SP2: variants seen among roughly 807,000 people sequenced by gnomAD.
The protein encoded by SP2 is transcription factor Sp2.
SP2 carries 9 observed loss-of-function variants against 50.1 expected under a neutral mutation model. The observed-to-expected ratio is 0.18, with a 90% CI of 0.11 to 0.31. The LOEUF is 0.31. Ranked by LOEUF, SP2 falls within the 10% of genes least tolerant of loss-of-function variation. SP2 has a pLI of 1.00. For synonymous variants in SP2, 313 were observed against 326.6 expected (o/e 0.96, Z 0.45); for missense variants, 581 against 806.5 (o/e 0.72, Z 3.39).
chr17:47,923,092 C>T lies in SP2; in HGVS notation c.1190C>T (p.Thr397Ile). ...PASRAPHLSG[T>I]SKKHSAAILR... is the part of the protein sequence containing the mutation. ...TCCCGTGCTCCCCATCTGAGTGGGA[C>T]CAGCAAAAAGCACTCAGCTGCAATT... Residue 397 changes from threonine (T) to isoleucine (I), a missense_variant, in exon 4 of 7, where the codon ACC becomes ATC. Coordinates refer to ENST00000376741, the MANE Select transcript of SP2 (RefSeq NM_003110.6). 1 of 1,614,206 alleles carries T rather than the reference C, an allele frequency of 6.2e-7. No homozygotes were observed. The highest frequency in any genetic ancestry group is 1.1e-5 in the South Asian group (1 of 91,088).
intron 3 of SP2, chr17:47,918,518 A>G (rs1056124075): frequency 6.6e-6 from 1 of 152,270 alleles, no homozygotes; most frequent in South Asian, 2.1e-4. Flanking sequence ...CCTCCCTTCC[A>G]TGAGGTCCCA....
intron 4 of SP2, 92 bp downstream of exon 4, chr17:47,923,366 A>G (rs2035532176): frequency 9.7e-7 from 1 of 1,032,928 alleles, no homozygotes; most frequent in South Asian, 1.5e-5. Context: ...TCCAGTAACA[A>G]TAGTGAGGAT....
intron 1 of SP2, among the ~76,000 whole-genome samples, chr17:47,911,225 C>CTAAA: frequency 6.6e-6 from 1 of 151,812 alleles, no homozygotes; most frequent in Admixed American, 6.6e-5. Flanking sequence ...GACCTTGTTT[C>CTAAA]TAAATAAATA....
At chr17:47,898,330 A>G (rs537090961) in intron 1 of SP2, 51 of 152,326 alleles carry the variant, frequency 3.3e-4, no homozygotes, top group African/African-American at 1.1e-3. Context: ...GTTCATTTGG[A>G]TATTTTGGCC....
At chr17:47,921,495 G>A (rs962431660) in intron 3 of SP2, among the ~76,000 whole-genome samples, 2 of 152,002 alleles carry the variant, frequency 1.3e-5, no homozygotes, top group Non-Finnish European at 2.9e-5. Context: ...CAAGTGATCC[G>A]CCTGCCTTGG....
chr17:47,914,544 A>G (rs1260917562), intron 1 of SP2, among the ~76,000 whole-genome samples: 1 of 152,182 alleles, frequency 6.6e-6, no homozygotes, highest in African/African-American at 2.4e-5. Flanking sequence ...GCATCTGTCT[A>G]CAGCAGGAGT....
At chr17:47,918,388 TGC>T (rs2035298808) in intron 3 of SP2, 1 of 152,184 alleles carries the variant, frequency 6.6e-6, no homozygotes, top group Non-Finnish European at 1.5e-5. Flanking sequence ...TATTTTATGT[TGC>T]CAGGTGATTT....
chr17:47,924,860 G>A, intron 4 of SP2, 59 bp from the exon 5 acceptor site: 1 of 1,462,898 alleles, frequency 6.8e-7, no homozygotes, highest in Admixed American at 2.1e-5. Context: ...AGGGCAGAAG[G>A]GTTGACTCGA....
In SP2 at chr17:47,896,352, C is replaced by A. The variant is rs893126980; in HGVS notation, c.7+59C>A. On this transcript the variant is annotated intron_variant, in intron 1 of 6. Transcript: ENST00000376741. ...GGCCCCCAAGGGTCAGGAAGACGGG[C>A]AGAGGCCGCGGGGAGAGGGAGCCGA... The A allele has an allele frequency of 7.4e-6, 9 of 1,223,944 alleles. No individual in the cohort carries two copies. In the African/African-American group the frequency reaches 1.2e-4, roughly 17 times the overall value. The allele number at this position is 1,223,944 out of a possible 1,614,324, so 75.8% of individuals were successfully genotyped here. A position where few individuals can be genotyped will look rare whatever the true frequency, so the allele number is the denominator to read the frequency against.
chr17:47,899,678 G>T (rs1043795274), intron 1 of SP2: 5 of 152,248 alleles, frequency 3.3e-5, no homozygotes, highest in African/African-American at 1.2e-4. Flanking sequence ...GGCAGCACCG[G>T]CAGCTTAGGG....
intron 1 of SP2, chr17:47,900,044 T>G (rs1434021459): frequency 7.2e-5 from 11 of 152,264 alleles, no homozygotes; most frequent in Admixed American, 7.2e-4. Context: ...CACATTGCAG[T>G]GCAGAGGCTT....
At chr17:47,923,461 A>G (rs907295795) in intron 4 of SP2, among the ~76,000 whole-genome samples, 187 bp downstream of exon 4, 2 of 152,252 alleles carry the variant, frequency 1.3e-5, no homozygotes, top group African/African-American at 4.8e-5. Context: ...TTTAAGGCAC[A>G]TGTCCCCATC....
intron 1 of SP2, among the ~76,000 whole-genome samples, chr17:47,903,141 G>A (rs932828019): frequency 6.6e-6 from 1 of 152,252 alleles, no homozygotes; most frequent in Non-Finnish European, 1.5e-5. Flanking sequence ...AGATAGAAAT[G>A]TGAGAGTTAA....
At chr17:47,897,049 T>G (rs758031900) in intron 1 of SP2, among the ~76,000 whole-genome samples, 8 of 152,254 alleles carry the variant, frequency 5.3e-5, no homozygotes. Flanking sequence ...AGCCTGTTAC[T>G]TGACGCCCCG....
At position 47,927,300 on chromosome 17, in the gene SP2, A is replaced by AAGGTGGGCGGATCACTTGAGGTC. The variant is rs1156606202; in HGVS notation, c.1742-420_1742-398dup. Among the ~76,000 whole-genome samples the AAGGTGGGCGGATCACTTGAGGTC allele has an allele frequency of 1.8e-4, 27 of 152,168 alleles. No individual in the cohort carries two copies. The East Asian group carries it at 4.9e-3, about 27-fold the overall frequency. ...TGTAATCCCAGCACTTTGGAAGGCC[A>AAGGTGGGCGGATCACTTGAGGTC]AGGTGGGCGGATCACTTGAGGTCAG... On this transcript the variant is annotated intron_variant, in intron 6 of 6. Coordinates refer to ENST00000376741, the MANE Select transcript of SP2 (RefSeq NM_003110.6).
intron 3 of SP2, among the ~76,000 whole-genome samples, chr17:47,920,858 G>A (rs534408863): frequency 6.6e-6 from 1 of 152,188 alleles, no homozygotes; most frequent in South Asian, 2.1e-4. Flanking sequence ...TATTCACAGA[G>A]TTGTGCAGCC....
At chr17:47,905,328 G>C (rs1383372636) in intron 1 of SP2, among the ~76,000 whole-genome samples, 1 of 152,178 alleles carries the variant, frequency 6.6e-6, no homozygotes, top group Non-Finnish European at 1.5e-5. Context: ...TTACGGCCCA[G>C]CTGAGCTGAC....
At position 47,916,929 on chromosome 17, in the gene SP2, T is replaced by G; in HGVS notation, c.858T>G (p.Ile286Met). ...NIIQAGNNLL[I>M]VQSPGGGQPA... Reference sequence around the variant, plus strand: ...TCCAGGCAGGAAATAACCTGCTCATTGTTCAGAGCCCTGGTGGGGGCCAGC... The same window carrying G: ...TCCAGGCAGGAAATAACCTGCTCATGGTTCAGAGCCCTGGTGGGGGCCAGC... The change falls in exon 3 of 7, where the codon ATT becomes ATG. Residue 286 changes from isoleucine (I) to methionine (M), a missense_variant. Transcript: ENST00000376741. This position sits in a 1 kb window ranked among gnomAD's most constrained non-coding sequence, Gnocchi z 4.7. 6.2e-7 allele frequency: 1 copy of G among 1,614,152 alleles called. No homozygotes were observed. Among genetic ancestry groups the G allele is most frequent in the Non-Finnish European group, 8.5e-7 (1 of 1,180,018 alleles).
At chr17:47,927,607 T>C in intron 6 of SP2, 117 bp from the exon 7 acceptor site, 1 of 603,962 alleles carries the variant, frequency 1.7e-6, no homozygotes, top group Non-Finnish European at 3.0e-6. Context: ...GTGGGCAGAA[T>C]GTGGTGACAA....
Sources: allele counts gnomAD v4.1 joint callset (sites outside exome capture counted in the v4.1 genomes callset), GRCh38; gene constraint gnomAD v4.1.1; non-coding constraint Gnocchi (gnomAD v3.1); transcripts MANE v1.5; gene names NCBI Gene and HGNC (gene_info 2026-07-23, HGNC 2026-07-21).